Variants in RMDN2 observed in about 807,000 individuals in gnomAD.
The protein encoded by RMDN2 is regulator of microtubule dynamics protein 2.
In RMDN2, 61 loss-of-function variants were observed where a neutral mutation model predicts 52.8. The ratio of observed to expected loss-of-function variants is 1.16; its 90% CI spans 0.94 to 1.43. The LOEUF (loss-of-function observed/expected upper bound fraction) is 1.43, where lower values mean the gene tolerates loss of function less well. Among genes scored for constraint, RMDN2 ranks in the 40% most tolerant of loss-of-function variants. The pLI is 0.00. For missense variants in RMDN2, 592 were observed against 475.3 expected (o/e 1.25, Z -2.28); for synonymous variants, 180 against 153.1 (o/e 1.18, Z -1.30).
intron 2 of RMDN2, among the ~76,000 whole-genome samples, chr2:37,963,845 G>T (rs1193315032): frequency 6.6e-6 from 1 of 152,018 alleles, no homozygotes; most frequent in Non-Finnish European, 1.5e-5. Context: ...CCTACCAGAC[G>T]GGGTGGCGGC....
At chr2:37,980,388 C>T (rs1017541470) in intron 4 of RMDN2, among the ~76,000 whole-genome samples, 8 of 152,192 alleles carry the variant, frequency 5.3e-5, no homozygotes, top group African/African-American at 1.9e-4. Context: ...GCTGCAACCT[C>T]TGCCTCCTGG....
intron 1 of RMDN2, among the ~76,000 whole-genome samples, chr2:37,927,964 A>C (rs1336339669): frequency 6.6e-6 from 1 of 152,214 alleles, no homozygotes; most frequent in Non-Finnish European, 1.5e-5. Flanking sequence ...TAGGTGAAAA[A>C]AAATTTTTTT....
Position 37,980,308 on chromosome 2 carries a change from G to T in RMDN2, c.731-975G>T, listed in dbSNP as rs550211944. Among the ~76,000 whole-genome samples, 807 of 151,194 alleles carry T rather than the reference G, an allele frequency of 5.3e-3. 9 individuals carry two copies. Among genetic ancestry groups the T allele is most frequent in the African/African-American group, 0.017 (711 of 41,230 alleles). The stretch of plus-strand genomic sequence containing the variant: ...TCTATCCAAATTATTATTATTTTTG[G>T]TTTTTTTTTATTTGAGACAGAGTCT... On this transcript the variant is annotated intron_variant, in intron 4 of 10. Coordinates refer to ENST00000354545, the MANE Select transcript of RMDN2 (RefSeq NM_001170791.3).
chr2:37,950,771 A>T (rs530567726), intron 2 of RMDN2, among the ~76,000 whole-genome samples: 47 of 152,324 alleles, frequency 3.1e-4, no homozygotes, highest in Middle Eastern at 3.4e-3. Flanking sequence ...TAATATTTTA[A>T]AATACAATTA....
At chr2:37,996,361 G>C (rs184088728) in intron 7 of RMDN2, among the ~76,000 whole-genome samples, 1 of 152,072 alleles carries the variant, frequency 6.6e-6, no homozygotes, top group African/African-American at 2.4e-5. Context: ...GAGGCAGGAG[G>C]ATCTCTTGAG....
At chr2:37,954,027 T>G (rs985991030) in intron 2 of RMDN2, among the ~76,000 whole-genome samples, 5 of 151,960 alleles carry the variant, frequency 3.3e-5, no homozygotes, top group African/African-American at 7.2e-5. Flanking sequence ...AGTCCCTTGA[T>G]CCTTTTTTTT....
At position 38,017,605 on chromosome 2, in the gene RMDN2, A is replaced by G; in HGVS notation, c.*366A>G. On this transcript the variant is annotated 3_prime_UTR_variant, in exon 11 of 11. Coordinates refer to ENST00000354545, the MANE Select transcript of RMDN2 (RefSeq NM_001170791.3). ...TTCGTAAGACAAAATAATTTCATTA[A>G]TGTGGATGAAAAATGGAAAACTCAG... 1 of 1,222,794 alleles carries G rather than the reference A, an allele frequency of 8.2e-7. No homozygotes were observed. Among genetic ancestry groups the G allele is most frequent in the Non-Finnish European group, 1.1e-6 (1 of 930,018 alleles). The allele number at this position is 1,222,794 out of a possible 1,614,324, so 75.7% of individuals were successfully genotyped here. A position where few individuals can be genotyped will look rare whatever the true frequency, so the allele number is the denominator to read the frequency against.
intron 10 of RMDN2, among the ~76,000 whole-genome samples, chr2:38,045,008 T>G (rs1216318541): frequency 6.6e-6 from 1 of 152,058 alleles, no homozygotes; most frequent in Non-Finnish European, 1.5e-5. Flanking sequence ...CTAGATATTT[T>G]TTTTTTCTGT....
At chr2:37,959,958 G>T (rs1558473071) in intron 2 of RMDN2, among the ~76,000 whole-genome samples, 1 of 149,448 alleles carries the variant, frequency 6.7e-6, no homozygotes, top group African/African-American at 2.6e-5. Flanking sequence ...GTGCAGTTTT[G>T]AGTGAGTTTC....
intron 2 of RMDN2, among the ~76,000 whole-genome samples, chr2:37,972,063 A>T (rs1671877914): frequency 1.3e-5 from 2 of 152,138 alleles, no homozygotes. Flanking sequence ...GAATTTTCAC[A>T]TATCTTTTGT....
chr2:37,943,553 C>T (rs751712833), intron 2 of RMDN2, among the ~76,000 whole-genome samples: 6 of 151,938 alleles, frequency 3.9e-5, no homozygotes, highest in Admixed American at 6.6e-5. Flanking sequence ...AGTTGCTTTG[C>T]GTTATGTCTA....
At chr2:38,030,026 A>G (rs1205623372) in intron 10 of RMDN2, 3 of 152,004 alleles carry the variant, frequency 2.0e-5, no homozygotes, top group Non-Finnish European at 4.4e-5. Flanking sequence ...AGTATGGGGG[A>G]AACCTCCCCC....
chr2:37,948,661 C>G (rs571698301), intron 2 of RMDN2, among the ~76,000 whole-genome samples: 1 of 152,306 alleles, frequency 6.6e-6, no homozygotes, highest in African/African-American at 2.4e-5. Flanking sequence ...GTAAGTTCTT[C>G]ACCTAGAACG....
intron 2 of RMDN2, among the ~76,000 whole-genome samples, chr2:37,933,945 T>TTTA (rs1334572710): frequency 6.6e-6 from 1 of 152,244 alleles, no homozygotes. Context: ...CTGCCTGTCC[T>TTTA]TTTATAATCT....
chr2:38,023,265 C>A (rs970283945), intron 10 of RMDN2, among the ~76,000 whole-genome samples: 5 of 151,432 alleles, frequency 3.3e-5, no homozygotes, highest in African/African-American at 4.9e-5. Flanking sequence ...ATCCTGCCAG[C>A]AAATGGGAGA....
intron 8 of RMDN2, among the ~76,000 whole-genome samples, chr2:38,003,543 AC>A (rs1354611304): frequency 5.8e-5 from 6 of 103,292 alleles, no homozygotes; most frequent in East Asian, 3.3e-4. Flanking sequence ...ACAAAGCAAG[AC>A]CTGATAGATA....
chr2:37,936,468 C>T (rs960796391), intron 2 of RMDN2, among the ~76,000 whole-genome samples: 4 of 152,220 alleles, frequency 2.6e-5, no homozygotes, highest in Admixed American at 6.5e-5. Context: ...GGACTTGCCA[C>T]ACTGTCTTCC....
intron 4 of RMDN2, among the ~76,000 whole-genome samples, chr2:37,978,736 C>A (rs1357247308): frequency 6.6e-6 from 1 of 151,920 alleles, no homozygotes; most frequent in Non-Finnish European, 1.5e-5. Context: ...CATGATCTCA[C>A]CACTGCACTG....
chr2:37,991,884 T>C (rs1409305931), intron 7 of RMDN2, among the ~76,000 whole-genome samples: 1 of 152,206 alleles, frequency 6.6e-6, no homozygotes, highest in African/African-American at 2.4e-5. Context: ...ACTATTAGTT[T>C]ATAGAAAATT....
Sources: allele counts gnomAD v4.1 joint callset (sites outside exome capture counted in the v4.1 genomes callset), GRCh38; gene constraint gnomAD v4.1.1; transcripts MANE v1.5; gene names NCBI Gene and HGNC (gene_info 2026-07-23, HGNC 2026-07-21).